Variants in UNC5D observed in about 807,000 individuals in gnomAD.
UNC5D encodes unc-5 netrin receptor D, also known as netrin receptor UNC5D.
A neutral mutation model predicts 105.4 loss-of-function variants in UNC5D; 39 were observed. That is an observed-to-expected ratio of 0.37 (90% CI 0.29 to 0.48). The LOEUF is 0.48. Among genes scored for constraint, UNC5D ranks in the 20% least tolerant of loss-of-function variants. The pLI, the probability that UNC5D is intolerant of heterozygous loss-of-function variation, is 0.98. For synonymous variants in UNC5D, 452 were observed against 450.4 expected, an observed-to-expected ratio of 1.00 and a Z score of -0.04; for missense variants, 991 against 1,202.4, an observed-to-expected ratio of 0.82 and a Z score of 2.60.
chr8:35,481,867 T>G (rs551763543), intron 1 of UNC5D, among the ~76,000 whole-genome samples: 42 of 152,306 alleles, frequency 2.8e-4, no homozygotes, highest in Non-Finnish European at 4.4e-4. Flanking sequence ...TGTTTTGGTG[T>G]TTAATATCCC....
At chr8:35,533,460 C>T (rs1237406972) in intron 1 of UNC5D, among the ~76,000 whole-genome samples, 7 of 152,098 alleles carry the variant, frequency 4.6e-5, no homozygotes, top group Non-Finnish European at 1.0e-4. Flanking sequence ...AGCTGTCATA[C>T]AAGGACACTT....
chr8:35,254,889 T>C (rs1001022620), intron 1 of UNC5D: 6 of 152,222 alleles, frequency 3.9e-5, no homozygotes, highest in African/African-American at 1.4e-4. Flanking sequence ...GTATCCAAGA[T>C]GTACTAAATG....
intron 1 of UNC5D, among the ~76,000 whole-genome samples, chr8:35,419,565 C>T (rs933042927): frequency 2.6e-5 from 4 of 152,176 alleles, no homozygotes; most frequent in African/African-American, 7.2e-5. Flanking sequence ...TCCCAAGGTC[C>T]GAGCCCCCAA....
intron 1 of UNC5D, among the ~76,000 whole-genome samples, chr8:35,382,980 G>T (rs1302756286): frequency 6.6e-6 from 1 of 152,188 alleles, no homozygotes; most frequent in African/African-American, 2.4e-5. Context: ...ATAAACTTCA[G>T]ATGTTGGATT....
intron 1 of UNC5D, among the ~76,000 whole-genome samples, chr8:35,402,327 C>T (rs530980043): frequency 7.2e-5 from 11 of 152,100 alleles, no homozygotes; most frequent in South Asian, 2.1e-4. Flanking sequence ...GTGAAAGGCA[C>T]GTCTTACATT....
intron 1 of UNC5D, among the ~76,000 whole-genome samples, chr8:35,352,339 T>A (rs1395555467): frequency 6.6e-6 from 1 of 152,060 alleles, no homozygotes; most frequent in Admixed American, 6.6e-5. Flanking sequence ...GAAAATCCAA[T>A]GATTTTTTTG....
intron 5 of UNC5D, among the ~76,000 whole-genome samples, chr8:35,683,989 T>C (rs1371162362): frequency 2.0e-5 from 3 of 152,160 alleles, no homozygotes; most frequent in Non-Finnish European, 4.4e-5. Context: ...TAAAAAGCTG[T>C]TTATTTTCTT....
At chr8:35,380,210 AGAGAGAGAGAGG>A (rs1802958590) in intron 1 of UNC5D, among the ~76,000 whole-genome samples, 1 of 150,338 alleles carries the variant, frequency 6.7e-6, no homozygotes. Context: ...AGAGAGAGAG[AGAGAGAGAGAGG>A]GAGAGAGAGA....
At chr8:35,647,157 A>C (rs1823104717) in intron 4 of UNC5D, among the ~76,000 whole-genome samples, 1 of 152,206 alleles carries the variant, frequency 6.6e-6, no homozygotes. Context: ...ACTGTTTATC[A>C]AAAGAAAATG....
At chr8:35,566,846 T>C (rs1817374438) in intron 2 of UNC5D, among the ~76,000 whole-genome samples, 1 of 152,180 alleles carries the variant, frequency 6.6e-6, no homozygotes, top group Non-Finnish European at 1.5e-5. Flanking sequence ...CCTCAGAGAA[T>C]GTGTGCTGGA....
intron 1 of UNC5D, among the ~76,000 whole-genome samples, chr8:35,327,310 T>C (rs533440627): frequency 1.3e-5 from 2 of 152,198 alleles, no homozygotes; most frequent in Non-Finnish European, 2.9e-5. Flanking sequence ...TTCCAAATGA[T>C]TATAAAGATG....
intron 1 of UNC5D, among the ~76,000 whole-genome samples, chr8:35,496,196 G>A (rs1811582324): frequency 6.6e-6 from 1 of 152,154 alleles, no homozygotes; most frequent in South Asian, 2.1e-4. Context: ...GTGAGGTTGG[G>A]GTAGAAGAGG....
At chr8:35,674,691 G>A (rs1431100309) in intron 4 of UNC5D, among the ~76,000 whole-genome samples, 1 of 152,154 alleles carries the variant, frequency 6.6e-6, no homozygotes, top group African/African-American at 2.4e-5. Context: ...TGGCATGTGC[G>A]AGTCTAAAGG....
At chr8:35,248,877 TATA>T (rs1359230494) in intron 1 of UNC5D, among the ~76,000 whole-genome samples, 1 of 90,310 alleles carries the variant, frequency 1.1e-5, no homozygotes, top group Non-Finnish European at 1.8e-5. Context: ...TATAAAAATA[TATA>T]ATATATTATA....
chr8:35,681,766 G>T (rs537506840), intron 4 of UNC5D, among the ~76,000 whole-genome samples: 1 of 152,204 alleles, frequency 6.6e-6, no homozygotes, highest in South Asian at 2.1e-4. Flanking sequence ...GTGCTAGTTG[G>T]TATCATTTTC....
Position 35,312,344 on chromosome 8 carries a change from A to T in UNC5D, c.103+76457A>T, listed in dbSNP as rs144276855. Among the ~76,000 whole-genome samples, 572 of 152,328 alleles carry T rather than the reference A, an allele frequency of 3.8e-3. 5 individuals are homozygous for T. The highest frequency in any genetic ancestry group is 0.013 in the African/African-American group (559 of 41,578). On this transcript the variant is annotated intron_variant, in intron 1 of 16. Transcript: ENST00000404895. ...ATGTCAGAAATTACTACTGTAGGCA[A>T]GTCAAACATTTAAATATATGTCCAG...
chr8:35,648,550 G>C (rs1823202689), intron 4 of UNC5D, among the ~76,000 whole-genome samples: 1 of 151,848 alleles, frequency 6.6e-6, no homozygotes, highest in African/African-American at 2.4e-5. Context: ...ATGGTTGCAG[G>C]CACCTGCAAT....
chr8:35,565,770 ATTC>A (rs1387462764), intron 2 of UNC5D, among the ~76,000 whole-genome samples: 3 of 152,154 alleles, frequency 2.0e-5, no homozygotes, highest in African/African-American at 7.2e-5. Flanking sequence ...ATCCAGTTTC[ATTC>A]TTCTGCATTT....
Position 35,686,683 on chromosome 8 carries a change from A to G in UNC5D, c.1058A>G (p.Asn353Ser), listed in dbSNP as rs1474599578. The change falls in exon 7 of 17, where the codon AAC (asparagine) becomes AGC (serine). Residue 353 changes from asparagine (N) to serine (S), a missense_variant. By Grantham distance (46) the Asn-to-Ser change is conservative. Coordinates refer to ENST00000404895, the MANE Select transcript of UNC5D (RefSeq NM_080872.4). ...FCEGLSQESE[N>S]CTDGLCILDK... ...GAAGGTCTAAGCCAGGAATCTGAAA[A>G]CTGCACAGATGGTCTTTGCATCCTA... 5 of 1,602,854 alleles carry G rather than the reference A, an allele frequency of 3.1e-6. No homozygotes were observed. The highest frequency in any genetic ancestry group is 4.2e-6 in the Non-Finnish European group (5 of 1,176,552).
Sources: allele counts gnomAD v4.1 joint callset (sites outside exome capture counted in the v4.1 genomes callset), GRCh38; gene constraint gnomAD v4.1.1; transcripts MANE v1.5; gene names NCBI Gene and HGNC (gene_info 2026-07-23, HGNC 2026-07-21).